The following TUB variants were observed in gnomAD, a reference collection of about 807,000 sequenced individuals.
TUB encodes TUB bipartite transcription factor, also known as tubby protein homolog.
In TUB, 33 loss-of-function variants were observed where a neutral mutation model predicts 59.7. The ratio of observed to expected loss-of-function variants is 0.55; its 90% CI spans 0.42 to 0.74. The LOEUF (loss-of-function observed/expected upper bound fraction) is 0.74, where lower values mean the gene tolerates loss of function less well. Ranked by LOEUF, TUB falls within the 30% of genes least tolerant of loss-of-function variation. TUB has a pLI of 0.00. For missense variants in TUB, 659 were observed against 672.0 expected, an observed-to-expected ratio of 0.98 and a Z score of 0.21; for synonymous variants, 293 against 256.4, an observed-to-expected ratio of 1.14 and a Z score of -1.36.
chr11:8,090,454 G>T lies in TUB; in HGVS notation c.253+223G>T, dbSNP rs187398500. Among the ~76,000 whole-genome samples, 183 of 152,340 alleles carry T rather than the reference G, an allele frequency of 1.2e-3. 1 individual carries two copies. Among genetic ancestry groups the T allele is most frequent in the African/African-American group, 4.2e-3 (175 of 41,584 alleles). ...GACACCTCCTGAATCAGGCACTGAG[G>T]CCAGAAGCCTAAACCTTTTATGAGG... On this transcript the variant is annotated intron_variant, in intron 3 of 11. Transcript: ENST00000299506.
At chr11:8,094,259 C>T (rs772747922) in intron 4 of TUB, 70 bp downstream of exon 4, 238 of 1,507,314 alleles carry the variant, frequency 1.6e-4, no homozygotes, top group Non-Finnish European at 2.0e-4. Flanking sequence ...GAAGGTTTGT[C>T]CTCCTGACTT....
rs1944313983 is a variant in TUB, at chr11:8,101,665, T to C, written c.*46T>C. 6.3e-7 allele frequency: 1 copy of C among 1,599,964 alleles called. No individual in the cohort carries two copies. Among genetic ancestry groups the C allele is most frequent in the South Asian group, 1.1e-5 (1 of 89,770 alleles). On this transcript the variant is annotated 3_prime_UTR_variant, in exon 12 of 12. Coordinates refer to ENST00000299506, the MANE Select transcript of TUB (RefSeq NM_177972.3). ...GGGTTGCCCAGCCTGGAGCGGAGCT[T>C]GCCTGCCTGCCTGTGGAGACAGCCC...
At chr11:8,039,590 A>T in intron 1 of TUB, 1 of 1,398,582 alleles carries the variant, frequency 7.2e-7, no homozygotes, top group South Asian at 1.7e-5. Context: ...GCAGGCAGGG[A>T]TGATGAGGTG....
chr11:8,088,626 G>A (rs763060366), intron 1 of TUB, among the ~76,000 whole-genome samples: 13 of 152,246 alleles, frequency 8.5e-5, no homozygotes, highest in Non-Finnish European at 1.6e-4. Context: ...GGCCAGGGCC[G>A]CCTGGGGCTT....
chr11:8,062,969 C>T (rs1943163589), intron 2 of TUB, among the ~76,000 whole-genome samples: 1 of 152,188 alleles, frequency 6.6e-6, no homozygotes, highest in Admixed American at 6.5e-5. Flanking sequence ...TTTCCTGAGG[C>T]ACAGGAGAAA....
chr11:8,044,030 T>C (rs1942792283), intron 2 of TUB, among the ~76,000 whole-genome samples: 1 of 152,170 alleles, frequency 6.6e-6, no homozygotes, highest in Non-Finnish European at 1.5e-5. Context: ...ATCGTTGGCT[T>C]TCAACAATTG....
intron 1 of TUB, among the ~76,000 whole-genome samples, chr11:8,022,920 AACAC>A (rs1243696258): frequency 6.6e-6 from 1 of 152,114 alleles, no homozygotes; most frequent in Non-Finnish European, 1.5e-5. Flanking sequence ...CAAAACAAAA[AACAC>A]ACAAACAAAA....
intron 2 of TUB, among the ~76,000 whole-genome samples, chr11:8,046,016 A>G (rs888165486): frequency 1.3e-5 from 2 of 152,178 alleles, no homozygotes; most frequent in African/African-American, 4.8e-5. Context: ...TGTGCAGATC[A>G]GTACTCAGCC....
chr11:8,094,148 A>G lies in TUB; in HGVS notation c.356A>G (p.Gln119Arg). ...AAGGCGGCAGCTACAGCAGGGGGCC[A>G]GGGTGGCGCCGCTAGGAAGGAGAAG... ...RTKAAATAGG[Q>R]GGAARKEKKG... Residue 119 changes from glutamine (Q) to arginine (R), a missense_variant, in exon 4 of 12, where the codon CAG becomes CGG. Gln to Arg is a conservative substitution (Grantham distance 43). This residue lies in a region of TUB where 321 missense variants were observed against 304.3 expected (regional missense o/e 1.05). Transcript: ENST00000299506. The G allele has an allele frequency of 6.2e-7, 1 of 1,614,070 alleles. No individual in the cohort carries two copies. The highest frequency in any genetic ancestry group is 8.5e-7 in the Non-Finnish European group (1 of 1,179,986).
At chr11:8,062,159 T>C (rs1009829270) in intron 2 of TUB, 1 of 152,390 alleles carries the variant, frequency 6.6e-6, no homozygotes, top group African/African-American at 2.4e-5. Flanking sequence ...GCCACACCAG[T>C]GGCCGGGGTT....
rs1944623380 is a variant in TUB at position 8,106,210 on chromosome 11, T to C, written c.*4591T>C. 6.6e-6 allele frequency: 1 copy of C among 152,158 alleles called. No individual in the cohort carries two copies. The highest frequency in any genetic ancestry group is 2.4e-5 in the African/African-American group (1 of 41,464). The allele number at this position is 152,158 out of a possible 1,614,324, so 9.4% of individuals were successfully genotyped here. On this transcript the variant is annotated 3_prime_UTR_variant, in exon 12 of 12. Coordinates refer to ENST00000299506, the MANE Select transcript of TUB (RefSeq NM_177972.3). The stretch of plus-strand genomic sequence containing the variant: ...TTTAGTGTTTGTCTAAGTACACACA[T>C]ATATCAACAAATTAAACTTGAATCG...
chr11:8,021,928 AAAAAG>A (rs1288121793), intron 1 of TUB, among the ~76,000 whole-genome samples: 2 of 152,072 alleles, frequency 1.3e-5, no homozygotes, highest in African/African-American at 4.8e-5. Context: ...AAAAAAAAAA[AAAAAG>A]AAAATTATTT....
At chr11:8,094,821 CGGTT>C (rs1378724008) in intron 4 of TUB, among the ~76,000 whole-genome samples, 1 of 152,214 alleles carries the variant, frequency 6.6e-6, no homozygotes, top group Non-Finnish European at 1.5e-5. Context: ...CACTGCGTCA[CGGTT>C]GGACAGTGAT....
chr11:8,085,830 G>C (rs540237301), intron 1 of TUB, among the ~76,000 whole-genome samples: 1 of 152,356 alleles, frequency 6.6e-6, no homozygotes, highest in African/African-American at 2.4e-5. Context: ...TGTTGGCTGT[G>C]TGTGCTTTTC....
At chr11:8,091,689 C>T (rs1943781095) in intron 3 of TUB, among the ~76,000 whole-genome samples, 1 of 152,160 alleles carries the variant, frequency 6.6e-6, no homozygotes. Context: ...CTGTACTCTA[C>T]TTGAGAGGCC....
Position 8,095,478 on chromosome 11 carries a change from G to T in TUB, c.398-20G>T. 1 of 1,597,940 alleles carries T rather than the reference G, an allele frequency of 6.3e-7. No individual in the cohort carries two copies. Among genetic ancestry groups the T allele is most frequent in the Non-Finnish European group, 8.6e-7 (1 of 1,169,366 alleles). Reference sequence around the variant, plus strand: ...CTCTCCTCCTCCTGGATGTAACTCAGGCGTGTCCGTGGCCTGCAGGCACCA... The same window carrying T: ...CTCTCCTCCTCCTGGATGTAACTCATGCGTGTCCGTGGCCTGCAGGCACCA... On this transcript the variant is annotated intron_variant, in intron 4 of 11. Transcript: ENST00000299506.
exon 1 of TUB, chr11:8,038,696 G>T (rs1265128466): frequency 6.2e-6 from 9 of 1,452,860 alleles, no homozygotes; most frequent in Non-Finnish European, 8.1e-6. Flanking sequence ...ATGTTTCCAT[G>T]TCCTAATTAA....
chr11:8,090,316 C>T (rs1943748307), intron 3 of TUB, 85 bp downstream of exon 3: 2 of 1,521,578 alleles, frequency 1.3e-6, no homozygotes, highest in East Asian at 4.8e-5. Context: ...GCGGACTGGT[C>T]CTGACGGGGG....
Position 8,022,263 on chromosome 11 carries a change from C to T in TUB, c.56+2905C>T, listed in dbSNP as rs184356045. On this transcript the variant is annotated intron_variant, in intron 1 of 11. Transcript: ENST00000534099. ...AATTATTCAAAAATTACACAATACT[C>T]AATCAAGCTGTTAAAACCATTACAC... Among the ~76,000 whole-genome samples the T allele has an allele frequency of 6.4e-4, 97 of 152,280 alleles. 1 individual carries two copies. In the East Asian group the frequency reaches 0.018, roughly 28 times the overall value.
Sources: allele counts gnomAD v4.1 joint callset (sites outside exome capture counted in the v4.1 genomes callset), GRCh38; gene constraint gnomAD v4.1.1; regional missense constraint gnomAD v4.1.1; transcripts MANE v1.5; gene names NCBI Gene and HGNC (gene_info 2026-07-23, HGNC 2026-07-21).